The following NRCAM variants were observed in gnomAD, a reference collection of about 807,000 sequenced individuals.
NRCAM encodes the protein NgCAM-related cell adhesion molecule.
NRCAM carries 83 observed loss-of-function variants against 156.5 expected under a neutral mutation model. The observed-to-expected ratio is 0.53, with a 90% CI of 0.44 to 0.64. NRCAM has a LOEUF of 0.64. NRCAM is among the 30% of genes least tolerant of loss of function. The pLI, the probability that NRCAM is intolerant of heterozygous loss-of-function variation, is 0.00. For missense variants in NRCAM, 1,417 were observed against 1,597.3 expected (o/e 0.89, Z 1.92); for synonymous variants, 538 against 563.9 (o/e 0.95, Z 0.65).
chr7:108,226,725 C>G (rs2093522756), intron 8 of NRCAM, among the ~76,000 whole-genome samples: 1 of 152,120 alleles, frequency 6.6e-6, no homozygotes, highest in African/African-American at 2.4e-5. Flanking sequence ...CTGTTAAGTA[C>G]ACATACACAT....
chr7:108,181,287 C>G (rs1260086199), intron 24 of NRCAM, among the ~76,000 whole-genome samples: 1 of 151,808 alleles, frequency 6.6e-6, no homozygotes, highest in African/African-American at 2.4e-5. Flanking sequence ...GCTTGGCTGC[C>G]TATCAGTAAA....
chr7:108,155,028 TGAAAG>T (rs1187843818), intron 32 of NRCAM, among the ~76,000 whole-genome samples: 1 of 142,440 alleles, frequency 7.0e-6, no homozygotes, highest in Non-Finnish European at 1.5e-5. Context: ...AGTTTAAATA[TGAAAG>T]GAGAGTTTCC....
intron 1 of NRCAM, among the ~76,000 whole-genome samples, chr7:108,409,931 T>C (rs775491755): frequency 6.6e-6 from 1 of 152,194 alleles, no homozygotes; most frequent in African/African-American, 2.4e-5. Context: ...TTTTAAAAGG[T>C]TGTATTTGAA....
intron 20 of NRCAM, among the ~76,000 whole-genome samples, chr7:108,188,654 C>T (rs958119541): frequency 7.3e-5 from 11 of 149,700 alleles, no homozygotes; most frequent in African/African-American, 2.7e-4. Flanking sequence ...AAAAGAGTCT[C>T]CAAGCCATCT....
chr7:108,349,704 A>G (rs577589812), intron 2 of NRCAM, among the ~76,000 whole-genome samples: 1 of 152,348 alleles, frequency 6.6e-6, no homozygotes, highest in East Asian at 1.9e-4. Context: ...TTGAATAAAT[A>G]GGAAGCACTC....
chr7:108,188,027 A>T (rs438272), intron 20 of NRCAM, among the ~76,000 whole-genome samples: 3 of 152,036 alleles, frequency 2.0e-5, no homozygotes, highest in Middle Eastern at 3.4e-3. Flanking sequence ...GAAGCAAGGA[A>T]GCCTGAAGGA....
At position 108,409,540 on chromosome 7, in the gene NRCAM, C is replaced by T. The variant is rs577585349; in HGVS notation, c.-331-9947G>A. ...TTCCATTTTCACCCCGGTGCCATCT[C>T]GCGCATCACCCCAGTCTCCAGGCAC... On this transcript the variant is annotated intron_variant, in intron 1 of 32. Transcript: ENST00000379028. Among the ~76,000 whole-genome samples the T allele has an allele frequency of 5.3e-5, 8 of 152,316 alleles. No individual in the cohort carries two copies. The South Asian group carries it at 1.2e-3, about 24-fold the overall frequency.
chr7:108,322,374 A>G (rs1351994299), intron 2 of NRCAM, among the ~76,000 whole-genome samples: 1 of 152,198 alleles, frequency 6.6e-6, no homozygotes, highest in Non-Finnish European at 1.5e-5. Context: ...AACAGAAACA[A>G]AATAAAGTGG....
chr7:108,202,946 G>A (rs561075369), intron 13 of NRCAM, among the ~76,000 whole-genome samples: 1 of 152,332 alleles, frequency 6.6e-6, no homozygotes, highest in African/African-American at 2.4e-5. Context: ...GGATCTGCAA[G>A]TGTTAGACTC....
chr7:108,390,592 A>C (rs903802915), intron 2 of NRCAM, among the ~76,000 whole-genome samples: 1 of 151,730 alleles, frequency 6.6e-6, no homozygotes, highest in African/African-American at 2.4e-5. Flanking sequence ...CTCTGATCTT[A>C]GTTATTTCTT....
chr7:108,382,693 C>T (rs940624631), intron 2 of NRCAM, among the ~76,000 whole-genome samples: 4 of 152,134 alleles, frequency 2.6e-5, no homozygotes, highest in African/African-American at 9.7e-5. Context: ...AGTACTAGCA[C>T]TGAGTCTCCA....
intron 5 of NRCAM, among the ~76,000 whole-genome samples, chr7:108,237,105 A>G (rs1054304635): frequency 6.6e-6 from 1 of 152,208 alleles, no homozygotes; most frequent in African/African-American, 2.4e-5. Context: ...ACATCAAAGG[A>G]AATTATCAAA....
At chr7:108,208,753 C>T (rs750543697) in intron 12 of NRCAM, among the ~76,000 whole-genome samples, 1 of 152,150 alleles carries the variant, frequency 6.6e-6, no homozygotes, top group Non-Finnish European at 1.5e-5. Context: ...CATGATTACC[C>T]TGAGGTTTTG....
chr7:108,168,149 T>C, intron 29 of NRCAM, 128 bp downstream of exon 29: 1 of 991,806 alleles, frequency 1.0e-6, no homozygotes, highest in Non-Finnish European at 1.4e-6. Flanking sequence ...TTTTTTTAGA[T>C]AACTCATTCA....
intron 2 of NRCAM, among the ~76,000 whole-genome samples, chr7:108,334,433 G>A (rs1387834438): frequency 3.3e-5 from 5 of 152,092 alleles, no homozygotes; most frequent in Admixed American, 2.0e-4. Flanking sequence ...CTACGACTCC[G>A]AATTGATCTT....
intron 3 of NRCAM, among the ~76,000 whole-genome samples, chr7:108,270,449 G>C (rs1468064025): frequency 2.0e-5 from 3 of 152,110 alleles, no homozygotes; most frequent in Non-Finnish European, 4.4e-5. Flanking sequence ...ACTTAAAAGG[G>C]CTATTTATGC....
chr7:108,321,075 T>C (rs904608940), intron 2 of NRCAM, among the ~76,000 whole-genome samples: 5 of 152,230 alleles, frequency 3.3e-5, no homozygotes, highest in African/African-American at 9.6e-5. Context: ...AGAAAAGTTG[T>C]ATAGGTTTGG....
chr7:108,295,028 C>T (rs2098424884), intron 3 of NRCAM, among the ~76,000 whole-genome samples: 1 of 152,098 alleles, frequency 6.6e-6, no homozygotes, highest in Admixed American at 6.5e-5. Context: ...TACAGAACTA[C>T]TAATAACAAC....
chr7:108,374,221 G>A (rs574170120), intron 2 of NRCAM, among the ~76,000 whole-genome samples: 25 of 152,224 alleles, frequency 1.6e-4, no homozygotes, highest in Admixed American at 9.2e-4. Flanking sequence ...ACATTCCAGT[G>A]GAACACATGG....
Sources: allele counts gnomAD v4.1 joint callset (sites outside exome capture counted in the v4.1 genomes callset), GRCh38; gene constraint gnomAD v4.1.1; transcripts MANE v1.5; gene names NCBI Gene and HGNC (gene_info 2026-07-23, HGNC 2026-07-21).